PDE4D: variants seen among roughly 807,000 people sequenced by gnomAD.
PDE4D encodes phosphodiesterase 4D.
PDE4D carries 24 observed loss-of-function variants against 87.4 expected under a neutral mutation model. The ratio of observed to expected loss-of-function variants is 0.27; its 90% CI spans 0.20 to 0.39. PDE4D has a LOEUF of 0.39. Ranked by LOEUF, PDE4D falls within the 10% of genes least tolerant of loss-of-function variation. The pLI is 1.00. For synonymous variants in PDE4D, 384 were observed against 383.2 expected, an observed-to-expected ratio of 1.00 and a Z score of -0.02; for missense variants, 714 against 1,041.0, an observed-to-expected ratio of 0.69 and a Z score of 4.32.
intron 1 of PDE4D, among the ~76,000 whole-genome samples, chr5:60,500,217 T>G (rs765815191): frequency 5.9e-5 from 9 of 151,908 alleles, no homozygotes; most frequent in Non-Finnish European, 1.0e-4. Context: ...GGAGAAAGGA[T>G]CACTTGAACC....
At chr5:59,192,410 G>A (rs1744537631) in intron 3 of PDE4D, among the ~76,000 whole-genome samples, 2 of 152,242 alleles carry the variant, frequency 1.3e-5, no homozygotes, top group South Asian at 2.1e-4. Context: ...ATTTAACAGA[G>A]GAAGAGACCA....
At chr5:59,750,190 C>G (rs952527468) in intron 1 of PDE4D, among the ~76,000 whole-genome samples, 2 of 150,644 alleles carry the variant, frequency 1.3e-5, no homozygotes, top group African/African-American at 4.9e-5. Flanking sequence ...TCTCTGCTTC[C>G]ATTTTCCCCA....
chr5:59,383,700 T>C (rs1036424690), intron 1 of PDE4D, among the ~76,000 whole-genome samples: 3 of 152,100 alleles, frequency 2.0e-5, no homozygotes, highest in Non-Finnish European at 4.4e-5. Flanking sequence ...GACTCAATAA[T>C]ACACATATGA....
intron 1 of PDE4D, among the ~76,000 whole-genome samples, chr5:59,773,600 C>CTA (rs1238345893): frequency 6.6e-6 from 1 of 152,034 alleles, no homozygotes; most frequent in Non-Finnish European, 1.5e-5. Context: ...TTTTTCTCCT[C>CTA]TATATACCTG....
chr5:59,975,122 T>C (rs1761174359), intron 3 of PDE4D, among the ~76,000 whole-genome samples: 1 of 152,202 alleles, frequency 6.6e-6, no homozygotes, highest in African/African-American at 2.4e-5. Context: ...TCAACTCTAC[T>C]TCCTTGTCTC....
rs367594866 is a variant in PDE4D, at chr5:60,321,070, C to A, written c.-89-135383G>T. 8.5e-5 allele frequency among the ~76,000 whole-genome samples: 13 copies of A among 152,190 alleles called. No homozygotes were observed. The South Asian group carries it at 1.9e-3, about 22-fold the overall frequency. On this transcript the variant is annotated intron_variant, in intron 1 of 16. Coordinates refer to the PDE4D transcript ENST00000502484. The stretch of plus-strand genomic sequence containing the variant: ...AACCCATTTTAAAATTCATATGGAA[C>A]CAAAAAAGAGCCTGAATAGCTAAGG...
intron 1 of PDE4D, among the ~76,000 whole-genome samples, chr5:59,496,175 G>T (rs952664128): frequency 2.0e-5 from 3 of 152,206 alleles, no homozygotes; most frequent in Non-Finnish European, 4.4e-5. Context: ...TGACTGCCAC[G>T]ACCAAACTCC....
intron 2 of PDE4D, among the ~76,000 whole-genome samples, chr5:60,051,292 T>C (rs1268591412): frequency 1.3e-5 from 2 of 152,132 alleles, no homozygotes; most frequent in Admixed American, 1.3e-4. Flanking sequence ...TAATTGGAAG[T>C]AAAACACTCC....
chr5:59,597,752 T>C (rs1011758451), intron 1 of PDE4D, among the ~76,000 whole-genome samples: 2 of 152,180 alleles, frequency 1.3e-5, no homozygotes, highest in African/African-American at 4.8e-5. Flanking sequence ...CACTGTAGTA[T>C]AATTAAGTAG....
chr5:59,193,824 C>G (rs1364315096), intron 2 of PDE4D: 1 of 981,732 alleles, frequency 1.0e-6, no homozygotes, highest in South Asian at 4.7e-5. Flanking sequence ...AAATGGTGTT[C>G]CAGCAGTGGG....
At chr5:60,217,917 G>A (rs924186705) in intron 1 of PDE4D, among the ~76,000 whole-genome samples, 1 of 151,904 alleles carries the variant, frequency 6.6e-6, no homozygotes, top group African/African-American at 2.4e-5. Flanking sequence ...CACAAATGCA[G>A]AGGAACTAGG....
intron 1 of PDE4D, among the ~76,000 whole-genome samples, chr5:59,426,104 A>G (rs1352433284): frequency 6.6e-6 from 1 of 152,188 alleles, no homozygotes; most frequent in Non-Finnish European, 1.5e-5. Context: ...AGGAAAGGCC[A>G]TGAGATAACA....
At chr5:59,917,138 G>C (rs757399080) in intron 3 of PDE4D, among the ~76,000 whole-genome samples, 3 of 151,058 alleles carry the variant, frequency 2.0e-5, no homozygotes, top group Non-Finnish European at 4.4e-5. Context: ...TACACGGCTG[G>C]AGGTCAAAGG....
At chr5:60,009,185 G>C (rs550680289) in intron 2 of PDE4D, among the ~76,000 whole-genome samples, 9 of 152,074 alleles carry the variant, frequency 5.9e-5, no homozygotes, top group African/African-American at 2.2e-4. Context: ...TTTATCAAAC[G>C]TTGAAATTCA....
At chr5:60,092,126 A>G (rs1039388865) in intron 2 of PDE4D, among the ~76,000 whole-genome samples, 1 of 151,940 alleles carries the variant, frequency 6.6e-6, no homozygotes, top group Non-Finnish European at 1.5e-5. Flanking sequence ...GCCATAAAAA[A>G]GCAATGAAAT....
intron 2 of PDE4D, among the ~76,000 whole-genome samples, chr5:60,160,251 A>T (rs891185396): frequency 6.6e-6 from 1 of 152,260 alleles, no homozygotes; most frequent in Non-Finnish European, 1.5e-5. Context: ...TTTGGTGAAC[A>T]GTAGGCTATT....
intron 1 of PDE4D, among the ~76,000 whole-genome samples, chr5:60,295,884 A>T (rs1753336975): frequency 6.6e-6 from 1 of 152,202 alleles, no homozygotes; most frequent in African/African-American, 2.4e-5. Context: ...TGCCACAAAC[A>T]CAATGGCTTA....
At chr5:59,608,092 G>T (rs1171984904) in intron 1 of PDE4D, among the ~76,000 whole-genome samples, 1 of 152,104 alleles carries the variant, frequency 6.6e-6, no homozygotes, top group Non-Finnish European at 1.5e-5. Context: ...TATTATAGTG[G>T]CCATACATAT....
At chr5:59,822,802 C>T (rs538483356) in intron 1 of PDE4D, among the ~76,000 whole-genome samples, 28 of 152,278 alleles carry the variant, frequency 1.8e-4, no homozygotes, top group African/African-American at 6.5e-4. Context: ...TGCTTGGCAG[C>T]TTCAAATATG....
Sources: allele counts gnomAD v4.1 joint callset (sites outside exome capture counted in the v4.1 genomes callset), GRCh38; gene constraint gnomAD v4.1.1; transcripts MANE v1.5; gene names NCBI Gene and HGNC (gene_info 2026-07-23, HGNC 2026-07-21).